RANBP2: variants seen among roughly 807,000 people sequenced by gnomAD.
RANBP2 encodes the protein E3 SUMO-protein ligase RanBP2.
RANBP2 carries 57 observed loss-of-function variants against 303.6 expected under a neutral mutation model. That is an observed-to-expected ratio of 0.19 (90% CI 0.15 to 0.23). The LOEUF (loss-of-function observed/expected upper bound fraction) is 0.23. Among genes scored for constraint, RANBP2 ranks in the 10% least tolerant of loss-of-function variants. RANBP2 has a pLI of 1.00. For synonymous variants in RANBP2, 1,167 were observed against 1,301.5 expected, an observed-to-expected ratio of 0.90 and a Z score of 2.23; for missense variants, 3,138 against 3,780.8, an observed-to-expected ratio of 0.83 and a Z score of 4.46.
chr2:108,946,955 G>A, the RANBP2 span, among the ~76,000 whole-genome samples: 1 of 151,764 alleles, frequency 6.6e-6, no homozygotes, highest in Non-Finnish European at 1.5e-5. Context: ...AAGTCTTACT[G>A]ACTCCAGCAT....
At chr2:109,181,276 A>C in the RANBP2 span, among the ~76,000 whole-genome samples, 1 of 152,246 alleles carries the variant, frequency 6.6e-6, no homozygotes. Context: ...AGTCTCCACT[A>C]ATGTTGATAT....
chr2:108,764,062 G>A lies in RANBP2; in HGVS notation c.3523G>A (p.Val1175Ile), dbSNP rs1676939941. 6.2e-7 allele frequency: 1 copy of A among 1,614,100 alleles called. No homozygotes were observed. Among genetic ancestry groups the A allele is most frequent in the Non-Finnish European group, 8.5e-7 (1 of 1,179,994 alleles). ...TGATGACGGTCCTCACTTTGAGCCT[G>A]TAGTACCTCTTCCTGATAAGATTGA... Reference protein sequence around the residue: ...DDDDGPHFEPVVPLPDKIEVK... With the variant: ...DDDDGPHFEPIVPLPDKIEVK... Residue 1175 changes from valine (V) to isoleucine (I), a missense_variant, in exon 20 of 29, where the codon GTA becomes ATA. This residue lies in a region of RANBP2 where 403 missense variants were observed against 376.7 expected (regional missense o/e 1.07). Transcript: ENST00000283195.
At chr2:109,074,815 G>A in the RANBP2 span, among the ~76,000 whole-genome samples, 2 of 149,302 alleles carry the variant, frequency 1.3e-5, no homozygotes, top group Admixed American at 6.7e-5. Context: ...GAGGTCAGGA[G>A]TTCAAGACCA....
the RANBP2 span, among the ~76,000 whole-genome samples, chr2:109,414,738 A>G: frequency 6.6e-6 from 1 of 152,146 alleles, no homozygotes; most frequent in African/African-American, 2.4e-5. Flanking sequence ...CGTGTCCAGC[A>G]CTGAGCCCAT....
chr2:109,489,780 C>G, the RANBP2 span, among the ~76,000 whole-genome samples: 2 of 152,112 alleles, frequency 1.3e-5, no homozygotes, highest in Non-Finnish European at 2.9e-5. Context: ...CTCTGTCACC[C>G]AGGCTGGAGT....
chr2:108,910,411 G>A, the RANBP2 span: 1 of 1,490,590 alleles, frequency 6.7e-7, no homozygotes, highest in Non-Finnish European at 9.3e-7. Context: ...TCCCTGCTCA[G>A]GATCCACAGG....
At chr2:108,869,504 A>C in the RANBP2 span, among the ~76,000 whole-genome samples, 1 of 152,168 alleles carries the variant, frequency 6.6e-6, no homozygotes, top group Non-Finnish European at 1.5e-5. Flanking sequence ...CTCAGGAAGA[A>C]GGCCAAGGAA....
At chr2:108,762,982 A>G (rs1392910660) in intron 19 of RANBP2, among the ~76,000 whole-genome samples, 3 of 152,152 alleles carry the variant, frequency 2.0e-5, no homozygotes, top group Non-Finnish European at 4.4e-5. Context: ...ACTTATGCCT[A>G]GTGCTCCATT....
the RANBP2 span, chr2:108,846,952 T>C: frequency 6.4e-5 from 84 of 1,311,296 alleles, no homozygotes; most frequent in African/African-American, 9.9e-4. Flanking sequence ...ATTGTACTTA[T>C]GGTTAATTTT....
chr2:109,070,388 T>C, the RANBP2 span, among the ~76,000 whole-genome samples: 5 of 152,188 alleles, frequency 3.3e-5, no homozygotes, highest in East Asian at 1.9e-4. Context: ...TGGGGTGATA[T>C]AGTTTGGACG....
At chr2:108,916,998 C>A in the RANBP2 span, among the ~76,000 whole-genome samples, 5 of 152,254 alleles carry the variant, frequency 3.3e-5, no homozygotes, top group East Asian at 9.6e-4. Context: ...CACTTCCTGA[C>A]AATGGGCCTC....
chr2:109,723,262 C>T, the RANBP2 span, among the ~76,000 whole-genome samples: 5 of 152,202 alleles, frequency 3.3e-5, no homozygotes, highest in Non-Finnish European at 5.9e-5. Context: ...AGCTGTTCTA[C>T]TGCCTCAGCC....
the RANBP2 span, among the ~76,000 whole-genome samples, chr2:109,280,078 C>T: frequency 6.6e-6 from 1 of 152,078 alleles, no homozygotes; most frequent in Non-Finnish European, 1.5e-5. Context: ...TTTTTCGATC[C>T]CAGAGACAAC....
chr2:109,418,303 G>T, the RANBP2 span, among the ~76,000 whole-genome samples: 5 of 152,206 alleles, frequency 3.3e-5, 1 homozygote, highest in Admixed American at 3.3e-4. Context: ...CCCTCTAATG[G>T]AGTGTCCTGA....
At chr2:108,792,284 C>T in the RANBP2 span, among the ~76,000 whole-genome samples, 8 of 152,174 alleles carry the variant, frequency 5.3e-5, no homozygotes, top group Admixed American at 4.6e-4. Flanking sequence ...ATGGTCTACA[C>T]ACAACAACAT....
chr2:109,491,181 C>A, the RANBP2 span, among the ~76,000 whole-genome samples: 3 of 152,126 alleles, frequency 2.0e-5, no homozygotes, highest in Non-Finnish European at 4.4e-5. Context: ...TGCAAAGGAG[C>A]CATCAGGAAA....
the RANBP2 span, among the ~76,000 whole-genome samples, chr2:108,803,607 T>TG: frequency 6.6e-6 from 1 of 152,104 alleles, no homozygotes; most frequent in Non-Finnish European, 1.5e-5. Context: ...GCCCAGCTAG[T>TG]GGAAGTTTTT....
At chr2:109,137,158 T>C in the RANBP2 span, among the ~76,000 whole-genome samples, 5 of 152,362 alleles carry the variant, frequency 3.3e-5, no homozygotes, top group African/African-American at 9.6e-5. Flanking sequence ...TCTCTGTTTA[T>C]CTGGCAGGAA....
the RANBP2 span, among the ~76,000 whole-genome samples, chr2:109,065,662 C>T: frequency 6.6e-6 from 1 of 152,216 alleles, no homozygotes; most frequent in African/African-American, 2.4e-5. Flanking sequence ...GCTCTGACAC[C>T]TGAGAGCTCC....
Sources: allele counts gnomAD v4.1 joint callset (sites outside exome capture counted in the v4.1 genomes callset), GRCh38; gene constraint gnomAD v4.1.1; regional missense constraint gnomAD v4.1.1; transcripts MANE v1.5; gene names NCBI Gene and HGNC (gene_info 2026-07-23, HGNC 2026-07-21).